ATE1: variants seen among roughly 807,000 people sequenced by gnomAD.
The protein encoded by ATE1 is arginyl-tRNA--protein transferase 1.
Under a neutral mutation model 70.5 loss-of-function variants are expected in ATE1, and 36 were observed. The observed-to-expected ratio is 0.51, with a 90% CI of 0.39 to 0.67. The LOEUF is 0.67. Ranked by LOEUF, ATE1 falls within the 30% of genes least tolerant of loss-of-function variation. The pLI is 0.00. For missense variants in ATE1, 593 were observed against 629.5 expected, an observed-to-expected ratio of 0.94 and a Z score of 0.62; for synonymous variants, 232 against 219.3, an observed-to-expected ratio of 1.06 and a Z score of -0.51.
intron 7 of ATE1, among the ~76,000 whole-genome samples, chr10:121,891,988 G>A (rs11200226): frequency 0.13 from 20,084 of 152,140 alleles, 1,525 homozygotes; most frequent in East Asian, 0.19. Flanking sequence ...CATTAGAGCA[G>A]AAAGAGAAGA....
At chr10:121,770,685 T>C (rs1945475224) in intron 11 of ATE1, among the ~76,000 whole-genome samples, 1 of 151,894 alleles carries the variant, frequency 6.6e-6, no homozygotes, top group Non-Finnish European at 1.5e-5. Context: ...TGGTTGATTC[T>C]TACTTATTGT....
At chr10:121,859,382 A>G (rs1949385713) in intron 8 of ATE1, among the ~76,000 whole-genome samples, 1 of 149,824 alleles carries the variant, frequency 6.7e-6, no homozygotes, top group South Asian at 2.1e-4. Flanking sequence ...TCAGCCTCCC[A>G]AGTAGCTGGG....
At chr10:121,835,212 T>G (rs1948388437) in intron 10 of ATE1, among the ~76,000 whole-genome samples, 1 of 152,062 alleles carries the variant, frequency 6.6e-6, no homozygotes. Flanking sequence ...CTCCCTACAA[T>G]GTACACTGAA....
intron 10 of ATE1, among the ~76,000 whole-genome samples, chr10:121,801,679 T>G (rs570062279): frequency 2.6e-4 from 39 of 152,240 alleles, no homozygotes; most frequent in Middle Eastern, 3.4e-3. Context: ...AAGAACCAAT[T>G]TAGGTGTTTA....
At chr10:121,907,926 A>C (rs190712461) in intron 5 of ATE1, among the ~76,000 whole-genome samples, 1 of 152,292 alleles carries the variant, frequency 6.6e-6, no homozygotes, top group Admixed American at 6.5e-5. Flanking sequence ...TGTGATCTCC[A>C]AATACCAATT....
At chr10:121,797,302 C>T (rs890151959) in intron 10 of ATE1, among the ~76,000 whole-genome samples, 1 of 152,080 alleles carries the variant, frequency 6.6e-6, no homozygotes, top group Non-Finnish European at 1.5e-5. Context: ...TTCCAGCAAG[C>T]CCTAGTGATC....
At chr10:121,789,834 T>C (rs879305721) in intron 11 of ATE1, among the ~76,000 whole-genome samples, 7 of 152,196 alleles carry the variant, frequency 4.6e-5, no homozygotes, top group Admixed American at 3.9e-4. Context: ...ATTGACTAAA[T>C]AATCCATCTA....
intron 1 of ATE1, among the ~76,000 whole-genome samples, 165 bp downstream of exon 1, chr10:121,927,679 C>G (rs1442296166): frequency 6.6e-6 from 1 of 152,200 alleles, no homozygotes; most frequent in African/African-American, 2.4e-5. Flanking sequence ...CACCGCGAAG[C>G]TGCCCCGCTA....
chr10:121,887,227 C>G (rs1197326001), intron 7 of ATE1, among the ~76,000 whole-genome samples: 2 of 152,130 alleles, frequency 1.3e-5, no homozygotes, highest in African/African-American at 2.4e-5. Context: ...CAGCTTCCAC[C>G]GTCTCCTTTC....
chr10:121,862,992 C>G (rs908049422), intron 8 of ATE1, among the ~76,000 whole-genome samples: 1 of 152,162 alleles, frequency 6.6e-6, no homozygotes, highest in Admixed American at 6.5e-5. Context: ...TACTCTTGAG[C>G]ATACTGTGTG....
At chr10:121,875,184 C>T (rs1950004244) in intron 7 of ATE1, among the ~76,000 whole-genome samples, 1 of 149,646 alleles carries the variant, frequency 6.7e-6, no homozygotes. Flanking sequence ...ATTTACACTC[C>T]AATATAGTTA....
At chr10:121,830,589 C>T (rs997740930) in intron 10 of ATE1, among the ~76,000 whole-genome samples, 3 of 152,148 alleles carry the variant, frequency 2.0e-5, no homozygotes, top group African/African-American at 7.2e-5. Flanking sequence ...AGAACAAAGA[C>T]AATATCCTTA....
intron 7 of ATE1, among the ~76,000 whole-genome samples, chr10:121,870,673 G>A (rs111366747): frequency 5.3e-5 from 8 of 151,184 alleles, no homozygotes; most frequent in Non-Finnish European, 7.4e-5. Context: ...TTCTTTTTAT[G>A]ACACACATAG....
chr10:121,906,301 G>T (rs1951187866), intron 5 of ATE1, among the ~76,000 whole-genome samples: 1 of 152,112 alleles, frequency 6.6e-6, no homozygotes, highest in Non-Finnish European at 1.5e-5. Flanking sequence ...GCTGAGGCAG[G>T]CAGATCACTT....
chr10:121,852,290 C>T (rs1467748655), intron 8 of ATE1, among the ~76,000 whole-genome samples: 1 of 152,132 alleles, frequency 6.6e-6, no homozygotes, highest in Non-Finnish European at 1.5e-5. Context: ...ATTAATGTCC[C>T]GAATTTTTAG....
chr10:121,924,455 C>G, intron 1 of ATE1, 126 bp from the exon 2 acceptor site: 4 of 836,638 alleles, frequency 4.8e-6, no homozygotes, highest in Non-Finnish European at 7.7e-6. Context: ...AATCCCAGCA[C>G]TCTGGGAGGC....
intron 8 of ATE1, among the ~76,000 whole-genome samples, chr10:121,846,430 G>A (rs947125790): frequency 6.6e-6 from 1 of 152,148 alleles, no homozygotes; most frequent in African/African-American, 2.4e-5. Flanking sequence ...TACTACTTAA[G>A]TGCAGGCTGC....
At chr10:121,765,349 C>T (rs1288587409) in intron 11 of ATE1, among the ~76,000 whole-genome samples, 2 of 152,026 alleles carry the variant, frequency 1.3e-5, no homozygotes, top group African/African-American at 2.4e-5. Flanking sequence ...AAAGAAAATA[C>T]GTAAGAAACA....
intron 10 of ATE1, among the ~76,000 whole-genome samples, chr10:121,835,970 C>CA (rs1257087878): frequency 1.3e-5 from 2 of 152,156 alleles, no homozygotes; most frequent in African/African-American, 4.8e-5. Context: ...CTCTGCTCTA[C>CA]AACTGTTGAT....
Sources: allele counts gnomAD v4.1 joint callset (sites outside exome capture counted in the v4.1 genomes callset), GRCh38; gene constraint gnomAD v4.1.1; transcripts MANE v1.5; gene names NCBI Gene and HGNC (gene_info 2026-07-23, HGNC 2026-07-21).